Variants in FAM81B observed in about 807,000 individuals in gnomAD.
The protein encoded by FAM81B is protein FAM81B.
FAM81B carries 60 observed loss-of-function variants against 58.7 expected under a neutral mutation model. That is an observed-to-expected ratio of 1.02 (90% CI 0.83 to 1.27). The LOEUF is 1.27. Ranked by LOEUF, FAM81B falls within the 50% of genes most tolerant of loss-of-function variation. FAM81B has a pLI of 0.00. For missense variants in FAM81B, 491 were observed against 522.0 expected, an observed-to-expected ratio of 0.94 and a Z score of 0.58; for synonymous variants, 189 against 179.6, an observed-to-expected ratio of 1.05 and a Z score of -0.42.
At chr5:95,440,335 T>C in intron 7 of FAM81B, 1 of 947,444 alleles carries the variant, frequency 1.1e-6, no homozygotes, top group Non-Finnish European at 1.7e-6. Context: ...TTGATCAATT[T>C]GGATGTAAAT....
intron 7 of FAM81B, among the ~76,000 whole-genome samples, chr5:95,441,145 G>A (rs1745327187): frequency 6.6e-6 from 1 of 152,124 alleles, no homozygotes; most frequent in Non-Finnish European, 1.5e-5. Flanking sequence ...GTCAAGACAG[G>A]TTGTCAAAAT....
At chr5:95,414,211 TTTTG>T (rs1037548296) in intron 4 of FAM81B, 21 bp downstream of exon 4, 3 of 1,586,866 alleles carry the variant, frequency 1.9e-6, no homozygotes, top group African/African-American at 2.7e-5. Context: ...TTTTGTTTTA[TTTTG>T]TTTTTGTTTT....
chr5:95,432,177 TTC>T (rs1390533125), intron 6 of FAM81B, among the ~76,000 whole-genome samples: 4 of 152,116 alleles, frequency 2.6e-5, no homozygotes, highest in Non-Finnish European at 5.9e-5. Flanking sequence ...AAATGATGTG[TTC>T]TCTGTTATAC....
At chr5:95,428,568 G>T (rs2152767020) in intron 5 of FAM81B, 35 bp from the exon 6 acceptor site, 1 of 1,612,048 alleles carries the variant, frequency 6.2e-7, no homozygotes, top group Non-Finnish European at 8.5e-7. Flanking sequence ...TGTTATAAAG[G>T]TATTGATCCA....
At chr5:95,397,604 G>A (rs986616889) in intron 3 of FAM81B, among the ~76,000 whole-genome samples, 1 of 152,188 alleles carries the variant, frequency 6.6e-6, no homozygotes, top group Non-Finnish European at 1.5e-5. Context: ...AACTTAAGCA[G>A]CAGAAGATAA....
intron 3 of FAM81B, among the ~76,000 whole-genome samples, chr5:95,404,428 G>C (rs1762193169): frequency 6.6e-6 from 1 of 151,386 alleles, no homozygotes; most frequent in South Asian, 2.1e-4. Flanking sequence ...TGATAGAAAA[G>C]AAGAATCTCT....
rs199608611 is a variant in FAM81B at position 95,413,996 on chromosome 5, G to A, written c.343G>A (p.Glu115Lys). The change falls in exon 4 of 10, where the codon GAA becomes AAA. Residue 115 changes from glutamate (E) to lysine (K), a missense_variant. Coordinates refer to ENST00000283357, the MANE Select transcript of FAM81B (RefSeq NM_152548.3). ...IIPNTQRGQL[E>K]DRLNNQARTI... ...TCCAAACACCCAGAGAGGTCAGCTA[G>A]AAGACAGACTGAACAACCAGGCGCG... is the stretch of plus-strand genomic sequence containing the variant. 2.6e-4 allele frequency: 426 copies of A among 1,613,908 alleles called. No homozygotes were observed. Among genetic ancestry groups the A allele is most frequent in the Middle Eastern group, 3.3e-4 (2 of 6,084 alleles).
At chr5:95,424,277 A>G in intron 5 of FAM81B, 1 of 1,233,180 alleles carries the variant, frequency 8.1e-7, no homozygotes, top group Admixed American at 2.3e-5. Flanking sequence ...CCAGATAGAC[A>G]GAAGACAGAC....
chr5:95,418,512 C>T (rs1762594613), intron 4 of FAM81B, among the ~76,000 whole-genome samples: 1 of 152,156 alleles, frequency 6.6e-6, no homozygotes, highest in Admixed American at 6.5e-5. Flanking sequence ...GCACTTCAAG[C>T]TACAAGAGTT....
In FAM81B at chr5:95,410,312, A is replaced by G. The variant is rs138559308; in HGVS notation, c.294-3635A>G. 7.1e-3 allele frequency among the ~76,000 whole-genome samples: 1,074 copies of G among 152,302 alleles called. 7 individuals carry two copies. The highest frequency in any genetic ancestry group is 0.011 in the Admixed American group (165 of 15,292). On this transcript the variant is annotated intron_variant, in intron 3 of 9. Transcript: ENST00000283357. ...TGGGCACCTGATGACTTCCTCAGTCAGCTGCTCTACCTCTCCACTTCTTGT... is the reference window on the plus strand; with the variant it reads ...TGGGCACCTGATGACTTCCTCAGTCGGCTGCTCTACCTCTCCACTTCTTGT...
intron 3 of FAM81B, among the ~76,000 whole-genome samples, chr5:95,405,476 G>A (rs947144471): frequency 3.3e-5 from 5 of 151,462 alleles, no homozygotes; most frequent in Admixed American, 2.0e-4. Flanking sequence ...TACTTTTTAC[G>A]TTTTCTAGTT....
At chr5:95,396,590 T>C (rs751838070) in intron 3 of FAM81B, 39 of 156,022 alleles carry the variant, frequency 2.5e-4, no homozygotes, top group Non-Finnish European at 2.8e-4. Context: ...AGATGTTGTT[T>C]CTGCTATTTA....
At chr5:95,446,940 GT>G (rs764169970) in intron 8 of FAM81B, among the ~76,000 whole-genome samples, 45 of 142,164 alleles carry the variant, frequency 3.2e-4, no homozygotes, top group South Asian at 4.5e-4. Context: ...ATCTGAAGAG[GT>G]TTTTTTTTTT....
chr5:95,435,809 G>A (rs943415094), intron 6 of FAM81B, among the ~76,000 whole-genome samples: 1 of 152,000 alleles, frequency 6.6e-6, no homozygotes, highest in Non-Finnish European at 1.5e-5. Flanking sequence ...GCCTTTACCT[G>A]TAATTGCCTA....
At chr5:95,405,562 C>T (rs1762223398) in intron 3 of FAM81B, among the ~76,000 whole-genome samples, 1 of 152,120 alleles carries the variant, frequency 6.6e-6, no homozygotes, top group South Asian at 2.1e-4. Context: ...TTATTGTGTA[C>T]ATTTTAATAT....
chr5:95,413,897 C>T (rs1369018686), intron 3 of FAM81B, 50 bp from the exon 4 acceptor site: 2 of 1,551,994 alleles, frequency 1.3e-6, no homozygotes, highest in South Asian at 1.3e-5. Context: ...CTGGCTCCTC[C>T]AGCTCATTCT....
chr5:95,418,539 C>T (rs1490983181), intron 4 of FAM81B, among the ~76,000 whole-genome samples: 6 of 151,998 alleles, frequency 3.9e-5, no homozygotes, highest in Admixed American at 2.6e-4. Flanking sequence ...ACAGTGTGTA[C>T]GATATTATAG....
At chr5:95,433,474 T>A (rs1744988638) in intron 6 of FAM81B, among the ~76,000 whole-genome samples, 1 of 152,182 alleles carries the variant, frequency 6.6e-6, no homozygotes, top group Non-Finnish European at 1.5e-5. Context: ...AAGATGAGAT[T>A]TGGATGGGGA....
chr5:95,420,891 C>G (rs1450807231), intron 5 of FAM81B, among the ~76,000 whole-genome samples: 1 of 152,174 alleles, frequency 6.6e-6, no homozygotes, highest in East Asian at 1.9e-4. Context: ...TTGAGAATGG[C>G]AGGACCACTC....
Sources: allele counts gnomAD v4.1 joint callset (sites outside exome capture counted in the v4.1 genomes callset), GRCh38; gene constraint gnomAD v4.1.1; transcripts MANE v1.5; gene names NCBI Gene and HGNC (gene_info 2026-07-23, HGNC 2026-07-21).